MDGA1: variants seen among roughly 807,000 people sequenced by gnomAD.
MDGA1 encodes MAM domain containing glycosylphosphatidylinositol anchor 1.
A neutral mutation model predicts 101.5 loss-of-function variants in MDGA1; 54 were observed. That is an observed-to-expected ratio of 0.53 (90% CI 0.43 to 0.67). The LOEUF is 0.67. MDGA1 is among the 30% of genes least tolerant of loss of function. MDGA1 has a pLI of 0.00. For missense variants in MDGA1, 1,083 were observed against 1,323.8 expected (o/e 0.82, Z 2.82); for synonymous variants, 533 against 558.3 (o/e 0.95, Z 0.64).
chr6:37,682,058 C>A (rs1456943949), intron 1 of MDGA1, among the ~76,000 whole-genome samples: 1 of 152,224 alleles, frequency 6.6e-6, no homozygotes, highest in African/African-American at 2.4e-5. Flanking sequence ...CACACACACA[C>A]CCCTCTGCAA....
rs34087406 is a variant in MDGA1 at position 37,658,968 on chromosome 6, C to CAAAA, written c.208-553_208-550dup. Among the ~76,000 whole-genome samples the CAAAA allele has an allele frequency of 1.8e-4, 20 of 109,428 alleles. 2 individuals carry two copies. Among genetic ancestry groups the CAAAA allele is most frequent in the African/African-American group, 3.7e-4 (9 of 24,638 alleles). The allele number at this position is 109,428 out of a possible 152,430, so 71.8% of individuals were successfully genotyped here. A position where few individuals can be genotyped will look rare whatever the true frequency, so the allele number is the denominator to read the frequency against. ...CCTGGGCAACGGAGCAAGACTGTTT[C>CAAAA]AAAAAAAAAAAAAAAAAAAAAGACT... On this transcript the variant is annotated intron_variant, in intron 2 of 16. Coordinates refer to ENST00000434837, the MANE Select transcript of MDGA1 (RefSeq NM_153487.4).
chr6:37,635,959 G>T lies in MDGA1; in HGVS notation c.*1409C>A, dbSNP rs1763920925. 1 of 389,170 alleles carries T rather than the reference G, an allele frequency of 2.6e-6. No homozygotes were observed. The highest frequency in any genetic ancestry group is 4.5e-5 in the Admixed American group (1 of 22,356). 24.1% of individuals were successfully genotyped at this position (389,170 alleles called of 1,614,324 possible). A position where few individuals can be genotyped will look rare whatever the true frequency, so the allele number is the denominator to read the frequency against. ...TCCAGTCTCACAGGCAGATATGTGAGATTGCACACACAGACCTGTGTTTGC... is the reference window on the plus strand; with the variant it reads ...TCCAGTCTCACAGGCAGATATGTGATATTGCACACACAGACCTGTGTTTGC... On this transcript the variant is annotated 3_prime_UTR_variant, in exon 17 of 17. Transcript: ENST00000434837.
At chr6:37,694,751 C>A (rs980711070) in intron 1 of MDGA1, among the ~76,000 whole-genome samples, 2 of 152,206 alleles carry the variant, frequency 1.3e-5, no homozygotes, top group Non-Finnish European at 1.5e-5. Flanking sequence ...AGCCCCAACA[C>A]TGCCTGAAGC....
In MDGA1 at chr6:37,655,932, G is replaced by A. The variant is rs758825796; in HGVS notation, c.383-36C>T. On this transcript the variant is annotated intron_variant, in intron 3 of 16. Coordinates refer to ENST00000434837, the MANE Select transcript of MDGA1 (RefSeq NM_153487.4). The surrounding 1 kb of genome is among the most constrained non-coding windows in gnomAD (Gnocchi z 5.1). ...ACAGCCCCCATGGAGTCAGGACTGG[G>A]TGACCCCAAGGTTGGGGGGCTCAGG... 7.3e-5 allele frequency: 114 copies of A among 1,569,866 alleles called. No individual in the cohort carries two copies. The East Asian group carries it at 2.4e-3, about 34-fold the overall frequency.
At chr6:37,671,093 T>C (rs1235967462) in intron 1 of MDGA1, among the ~76,000 whole-genome samples, 1 of 152,168 alleles carries the variant, frequency 6.6e-6, no homozygotes, top group Non-Finnish European at 1.5e-5. Flanking sequence ...CTGATTTCTA[T>C]CAACAAAACC....
chr6:37,643,690 T>G, intron 14 of MDGA1, 119 bp downstream of exon 14: 2 of 1,420,020 alleles, frequency 1.4e-6, no homozygotes, highest in Non-Finnish European at 1.9e-6. Flanking sequence ...GGACCTCTCA[T>G]TTAGCCAAGT....
chr6:37,689,239 C>G (rs1229131890), intron 1 of MDGA1, among the ~76,000 whole-genome samples: 1 of 152,210 alleles, frequency 6.6e-6, no homozygotes, highest in South Asian at 2.1e-4. Context: ...CTTCTCTCTA[C>G]TTTCTAATCC....
At chr6:37,679,392 CAGTG>C (rs901616344) in intron 1 of MDGA1, among the ~76,000 whole-genome samples, 6 of 152,074 alleles carry the variant, frequency 3.9e-5, no homozygotes, top group Non-Finnish European at 8.8e-5. Flanking sequence ...CTGGAATGGA[CAGTG>C]GGTGGGTGGC....
At chr6:37,678,799 G>A (rs1173237993) in intron 1 of MDGA1, among the ~76,000 whole-genome samples, 10 of 131,740 alleles carry the variant, frequency 7.6e-5, no homozygotes, top group East Asian at 4.7e-4. Flanking sequence ...CAGCCCGCCC[G>A]CCCCCACCTC....
At position 37,685,042 on chromosome 6, in the gene MDGA1, T is replaced by A. The variant is rs116185031; in HGVS notation, c.67+11703A>T. Among the ~76,000 whole-genome samples the A allele has an allele frequency of 1.3e-5, 2 of 152,158 alleles. 1 individual carries two copies. Among genetic ancestry groups the A allele is most frequent in the Middle Eastern group, 6.3e-3 (2 of 316 alleles). On this transcript the variant is annotated intron_variant, in intron 1 of 16. Transcript: ENST00000434837. ...GGCAGCTGGGGACAGTGGCTCATACTTGTAATCTGAGCACTTTGGGAGGCC... is the reference window on the plus strand; with the variant it reads ...GGCAGCTGGGGACAGTGGCTCATACATGTAATCTGAGCACTTTGGGAGGCC...
At chr6:37,648,725 G>T (rs145809034) in intron 9 of MDGA1, 2 of 596,468 alleles carry the variant, frequency 3.4e-6, no homozygotes, top group Admixed American at 3.6e-5. Context: ...CAACCTCAAG[G>T]GAAGGTGTGA....
In MDGA1 at chr6:37,638,704, G is replaced by A; in HGVS notation, c.2537-37C>T. On this transcript the variant is annotated intron_variant, in intron 14 of 16. Transcript: ENST00000434837. The surrounding 1 kb of genome is among the most constrained non-coding windows in gnomAD (Gnocchi z 4.8). Reference sequence around the variant, plus strand: ...GTGAAGACAGTGGGCAGTGAGATCTGGCCAGGGCACCCTCACCTTTCCACA... The same window carrying A: ...GTGAAGACAGTGGGCAGTGAGATCTAGCCAGGGCACCCTCACCTTTCCACA... 6.3e-7 allele frequency: 1 copy of A among 1,588,444 alleles called. No individual in the cohort carries two copies. The highest frequency in any genetic ancestry group is 8.6e-7 in the Non-Finnish European group (1 of 1,166,710).
At position 37,696,136 on chromosome 6, in the gene MDGA1, T is replaced by C. The variant is rs576812047; in HGVS notation, c.67+609A>G. Among the ~76,000 whole-genome samples the C allele has an allele frequency of 2.0e-5, 3 of 152,114 alleles. No homozygotes were observed. In the South Asian group the frequency reaches 6.2e-4, roughly 32 times the overall value. On this transcript the variant is annotated intron_variant, in intron 1 of 16. Transcript: ENST00000434837. This position sits in a 1 kb window ranked among gnomAD's most constrained non-coding sequence, Gnocchi z 5.6. The stretch of plus-strand genomic sequence containing the variant: ...CAGGAAGGAAGGTGGGGTTGGGGTT[T>C]GTAGCCAAGAACCGGGGACAGGAAG...
intron 1 of MDGA1, among the ~76,000 whole-genome samples, chr6:37,668,824 T>C (rs9296230): frequency 0.099 from 15,096 of 152,088 alleles, 978 homozygotes; most frequent in East Asian, 0.25. Context: ...ACAAGAGAAC[T>C]AACTTTTTCT....
At position 37,646,377 on chromosome 6, in the gene MDGA1, T is replaced by C; in HGVS notation, c.2047-2A>G. ...GACCACCGCATTGTGCTGGTTCAAC[T>C]GTTAAGTACAGAGAGTTCCCAGATG... is the stretch of plus-strand genomic sequence containing the variant. On this transcript the variant is annotated splice_acceptor_variant, in intron 10 of 16. Coordinates refer to ENST00000434837, the MANE Select transcript of MDGA1 (RefSeq NM_153487.4). LOFTEE classifies it high-confidence loss of function. The C allele has an allele frequency of 2.0e-6, 3 of 1,497,152 alleles. No individual in the cohort carries two copies. The highest frequency in any genetic ancestry group is 2.7e-6 in the Non-Finnish European group (3 of 1,117,246). The allele number at this position is 1,497,152 out of a possible 1,614,324, so 92.7% of individuals were successfully genotyped here. A position where few individuals can be genotyped will look rare whatever the true frequency, so the allele number is the denominator to read the frequency against.
chr6:37,650,471 CT>C, intron 7 of MDGA1, 66 bp from the exon 8 acceptor site: 1 of 1,403,604 alleles, frequency 7.1e-7, no homozygotes. Context: ...TGGGCTCTGC[CT>C]TCTGGCTCCT....
At chr6:37,653,748 T>C (rs771081025) in intron 6 of MDGA1, among the ~76,000 whole-genome samples, 13 of 152,244 alleles carry the variant, frequency 8.5e-5, no homozygotes, top group Non-Finnish European at 1.3e-4. Context: ...TATACTTCTT[T>C]AGACTGTGCT....
At chr6:37,658,143 G>A in intron 3 of MDGA1, 102 bp downstream of exon 3, 11 of 1,340,690 alleles carry the variant, frequency 8.2e-6, no homozygotes, top group Non-Finnish European at 9.9e-6. Context: ...CAGCTTCTCC[G>A]TTCCACCCCA....
At position 37,644,539 on chromosome 6, in the gene MDGA1, G is replaced by T; in HGVS notation, c.2359C>A (p.Pro787Thr). 6.2e-7 allele frequency: 1 copy of T among 1,605,102 alleles called. No individual in the cohort carries two copies. The highest frequency in any genetic ancestry group is 1.3e-5 in the African/African-American group (1 of 74,506). Residue 787 changes from proline to threonine, a missense_variant, in exon 13 of 17, where the codon CCC becomes ACC. By Grantham distance (38) the Pro-to-Thr change is conservative. This residue lies in a region of MDGA1 where 657 missense variants were observed against 771.4 expected (regional missense o/e 0.85). Coordinates refer to ENST00000434837, the MANE Select transcript of MDGA1 (RefSeq NM_153487.4). The part of the protein sequence containing the change: ...NALTQNPKRS[P>T]NTGPPTDISG... ...ATGTCGGTGGGGGGACCAGTGTTGGGGGAGCGTTTGGGGTTCTGGGTGAGG... is the reference window on the plus strand; with the variant it reads ...ATGTCGGTGGGGGGACCAGTGTTGGTGGAGCGTTTGGGGTTCTGGGTGAGG...
Sources: allele counts gnomAD v4.1 joint callset (sites outside exome capture counted in the v4.1 genomes callset), GRCh38; gene constraint gnomAD v4.1.1; regional missense constraint gnomAD v4.1.1; non-coding constraint Gnocchi (gnomAD v3.1); transcripts MANE v1.5; gene names NCBI Gene and HGNC (gene_info 2026-07-23, HGNC 2026-07-21).